Variants in PTPN2 observed in about 807,000 individuals in gnomAD.
The protein encoded by PTPN2 is protein tyrosine phosphatase non-receptor type 2.
PTPN2 carries 19 observed loss-of-function variants against 57.3 expected under a neutral mutation model. That is an observed-to-expected ratio of 0.33 (90% CI 0.23 to 0.49). The LOEUF (loss-of-function observed/expected upper bound fraction) is 0.49, where lower values mean the gene tolerates loss of function less well. Ranked by LOEUF, PTPN2 falls within the 20% of genes least tolerant of loss-of-function variation. PTPN2 has a pLI of 0.99. For missense variants in PTPN2, 358 were observed against 501.1 expected (o/e 0.71, Z 2.73); for synonymous variants, 153 against 164.9 (o/e 0.93, Z 0.55).
At chr18:12,809,650 A>G (rs901554611) in intron 7 of PTPN2, among the ~76,000 whole-genome samples, 6 of 152,214 alleles carry the variant, frequency 3.9e-5, no homozygotes, top group African/African-American at 1.4e-4. Context: ...TAAATAAGGA[A>G]TACTCTACTT....
chr18:12,810,038 T>A (rs536260886), intron 7 of PTPN2, among the ~76,000 whole-genome samples: 85 of 151,764 alleles, frequency 5.6e-4, no homozygotes, highest in Non-Finnish European at 1.1e-3. Flanking sequence ...AAAAATTAGC[T>A]GGGTGTGGTG....
rs1243628772 is a variant in PTPN2 at position 12,814,193 on chromosome 18, T to C, written c.858+10A>G. 1.3e-6 allele frequency: 2 copies of C among 1,552,744 alleles called. No individual in the cohort carries two copies. The highest frequency in any genetic ancestry group is 1.8e-5 in the Admixed American group (1 of 55,686). On this transcript the variant is annotated intron_variant, in intron 7 of 8. Transcript: ENST00000309660. ...AAATAGATATGATTTAAAACCTGTATGAAGTTTACCTGTATACTAGAATCT... is the reference window on the plus strand; with the variant it reads ...AAATAGATATGATTTAAAACCTGTACGAAGTTTACCTGTATACTAGAATCT...
intron 1 of PTPN2, among the ~76,000 whole-genome samples, chr18:12,877,124 C>T (rs1371520346): frequency 1.3e-5 from 2 of 152,046 alleles, no homozygotes; most frequent in Non-Finnish European, 2.9e-5. Context: ...TTGGAATAAA[C>T]TAAGGTGCTG....
At chr18:12,830,384 C>T (rs1369312156) in intron 4 of PTPN2, among the ~76,000 whole-genome samples, 3 of 152,118 alleles carry the variant, frequency 2.0e-5, no homozygotes, top group African/African-American at 4.8e-5. Context: ...CTGCCTGCCT[C>T]GGCCTCCCAA....
intron 1 of PTPN2, among the ~76,000 whole-genome samples, chr18:12,870,285 ATATACATATATATGTG>A (rs1254543997): frequency 1.5e-5 from 1 of 66,394 alleles, no homozygotes; most frequent in Non-Finnish European, 2.5e-5. Context: ...ATATATATAC[ATATACATATATATGTG>A]TATATATACA....
Position 12,814,353 on chromosome 18 carries a change from C to A in PTPN2, c.708G>T (p.Met236Ile). Residue 236 changes from methionine to isoleucine, a missense_variant and splice_region_variant, in exon 7 of 9, where the codon ATG becomes ATT. This residue lies in a region of PTPN2 where 193 missense variants were observed against 315.4 expected (regional missense o/e 0.61). Transcript: ENST00000309660. ...FSLVDTCLVL[M>I]EKGDDINIKQ... is the part of the protein sequence containing the mutation. ...TTATGTTAATATCATCTCCTTTTTCCATCTGCAAGAAAGGCAAAAAATGAG... is the reference window on the plus strand; with the variant it reads ...TTATGTTAATATCATCTCCTTTTTCAATCTGCAAGAAAGGCAAAAAATGAG... 6.3e-7 allele frequency: 1 copy of A among 1,579,124 alleles called. No homozygotes were observed. Among genetic ancestry groups the A allele is most frequent in the Non-Finnish European group, 8.6e-7 (1 of 1,166,210 alleles).
chr18:12,884,195 G>GC lies in PTPN2; in HGVS notation c.-55dup. 1 of 1,441,496 alleles carries GC rather than the reference G, an allele frequency of 6.9e-7. No homozygotes were observed. Among genetic ancestry groups the GC allele is most frequent in the South Asian group, 1.3e-5 (1 of 79,366 alleles). 89.3% of individuals were successfully genotyped at this position (1,441,496 alleles called of 1,614,324 possible). A position where few individuals can be genotyped will look rare whatever the true frequency, so the allele number is the denominator to read the frequency against. ...AGCCTGCGCCGGCGGAGAGGCTCAG[G>GC]CCCCGCACGATCCGGGGAGAGCGCT... On this transcript the variant is annotated 5_prime_UTR_variant, in exon 1 of 9. An upstream open reading frame in the 5' UTR loses its in-frame stop. Transcript: ENST00000309660.
chr18:12,843,052 G>A (rs897670423), intron 2 of PTPN2, among the ~76,000 whole-genome samples: 52 of 152,176 alleles, frequency 3.4e-4, no homozygotes, highest in Non-Finnish European at 5.9e-4. Context: ...GGAATTTTGC[G>A]ACGCAGATGA....
chr18:12,790,780 A>G (rs1265048525), downstream of PTPN2, among the ~76,000 whole-genome samples: 1 of 152,264 alleles, frequency 6.6e-6, no homozygotes, highest in African/African-American at 2.4e-5. Context: ...GAGGACAGGC[A>G]CAAGTGCACA....
chr18:12,825,183 G>C (rs1460194083), intron 5 of PTPN2, among the ~76,000 whole-genome samples: 1 of 152,158 alleles, frequency 6.6e-6, no homozygotes, highest in Non-Finnish European at 1.5e-5. Context: ...GTGTATGTAT[G>C]TATGTATGTG....
chr18:12,838,287 G>A (rs1049683707), intron 2 of PTPN2, among the ~76,000 whole-genome samples: 5 of 152,078 alleles, frequency 3.3e-5, no homozygotes, highest in African/African-American at 1.2e-4. Context: ...CATGCGGTAG[G>A]AATCCATAAA....
chr18:12,852,598 CTCAAAT>C (rs1177805392), intron 2 of PTPN2, among the ~76,000 whole-genome samples: 1 of 152,166 alleles, frequency 6.6e-6, no homozygotes, highest in Admixed American at 6.5e-5. Context: ...TCACTGTAGT[CTCAAAT>C]TCCTGGGCTC....
chr18:12,836,763 G>T, intron 3 of PTPN2, 28 bp downstream of exon 3: 1 of 1,362,808 alleles, frequency 7.3e-7, no homozygotes, highest in Non-Finnish European at 1.0e-6. Context: ...ATCATTTTCA[G>T]ACATTTGCGT....
chr18:12,847,421 T>TAA (rs2043247645), intron 2 of PTPN2, among the ~76,000 whole-genome samples: 1 of 152,184 alleles, frequency 6.6e-6, no homozygotes, highest in African/African-American at 2.4e-5. Context: ...TTTTTCCATG[T>TAA]AAAAGTTCAG....
chr18:12,830,986 G>A lies in PTPN2; in HGVS notation c.317C>T (p.Thr106Ile). The A allele has an allele frequency of 6.2e-7, 1 of 1,611,194 alleles. No individual in the cohort carries two copies. Among genetic ancestry groups the A allele is most frequent in the Non-Finnish European group, 8.5e-7 (1 of 1,177,486 alleles). ...HFWLMVWQQK[T>I]KAVVMLNRIV... ...GCGGTTCAGCATGACAACTGCTTTGGTCTTCTGCTGCCAAACCATAAGCCA... is the reference window on the plus strand; with the variant it reads ...GCGGTTCAGCATGACAACTGCTTTGATCTTCTGCTGCCAAACCATAAGCCA... Residue 106 changes from threonine (T) to isoleucine (I), a missense_variant, in exon 4 of 9, where the codon ACC becomes ATC. Transcript: ENST00000309660.
At chr18:12,817,118 AT>A in intron 6 of PTPN2, 37 bp downstream of exon 6, 1 of 1,566,578 alleles carries the variant, frequency 6.4e-7, no homozygotes, top group South Asian at 1.2e-5. Context: ...AAAAAAAAAA[AT>A]CAATGAGATT....
intron 4 of PTPN2, among the ~76,000 whole-genome samples, chr18:12,828,004 C>T (rs1421543986): frequency 6.6e-6 from 1 of 151,468 alleles, no homozygotes; most frequent in African/African-American, 2.4e-5. Context: ...CTAATAATAT[C>T]TGAAGAAAAA....
intron 8 of PTPN2, among the ~76,000 whole-genome samples, chr18:12,797,592 G>A (rs1179302438): frequency 6.6e-6 from 1 of 152,128 alleles, no homozygotes; most frequent in African/African-American, 2.4e-5. Flanking sequence ...TCTAATTTAA[G>A]AACACAATTC....
intron 1 of PTPN2, among the ~76,000 whole-genome samples, chr18:12,869,743 T>C (rs1436211304): frequency 4.6e-5 from 7 of 152,184 alleles, no homozygotes; most frequent in Non-Finnish European, 7.4e-5. Context: ...TAATCCCAAA[T>C]TGATAATGAG....
Sources: allele counts gnomAD v4.1 joint callset (sites outside exome capture counted in the v4.1 genomes callset), GRCh38; gene constraint gnomAD v4.1.1; regional missense constraint gnomAD v4.1.1; transcripts MANE v1.5; gene names NCBI Gene and HGNC (gene_info 2026-07-23, HGNC 2026-07-21).